The following NGEF variants were observed in gnomAD, a reference collection of about 807,000 sequenced individuals.
NGEF encodes the protein neuronal guanine nucleotide exchange factor, also known as ephexin-1.
Under a neutral mutation model 80.9 loss-of-function variants are expected in NGEF, and 31 were observed. That is an observed-to-expected ratio of 0.38 (90% CI 0.29 to 0.52). The LOEUF (loss-of-function observed/expected upper bound fraction) is 0.52. Ranked by LOEUF, NGEF falls within the 20% of genes least tolerant of loss-of-function variation. The probability of loss-of-function intolerance (pLI) is 0.84; values close to 1 mark genes in which losing one functional copy is unlikely to be tolerated. For missense variants in NGEF, 709 were observed against 926.2 expected, an observed-to-expected ratio of 0.77 and a Z score of 3.04; for synonymous variants, 371 against 370.2, an observed-to-expected ratio of 1.00 and a Z score of -0.03.
At chr2:233,004,741 C>T (rs988803169) in intron 1 of NGEF, among the ~76,000 whole-genome samples, 1 of 152,110 alleles carries the variant, frequency 6.6e-6, no homozygotes, top group African/African-American at 2.4e-5. Context: ...TCCCTCTCCC[C>T]TCACCCCCCA....
rs762439834 is a variant in NGEF at position 232,970,366 on chromosome 2, A to G, written c.269-38T>C. The stretch of plus-strand genomic sequence containing the variant: ...AGAAATGGAGCAAGTTAGAAGATAC[A>G]GATCAACCCTTTTCAGGCAATTCTC... On this transcript the variant is annotated intron_variant, in intron 2 of 14. Coordinates refer to ENST00000264051, the MANE Select transcript of NGEF (RefSeq NM_019850.3). 1.8e-5 allele frequency: 24 copies of G among 1,352,632 alleles called. 1 individual carries two copies. In the South Asian group the frequency reaches 2.8e-4, roughly 16 times the overall value. 83.8% of individuals were successfully genotyped at this position (1,352,632 alleles called of 1,614,324 possible).
intron 5 of NGEF, among the ~76,000 whole-genome samples, chr2:232,897,486 A>C (rs1280940376): frequency 6.6e-6 from 1 of 152,130 alleles, no homozygotes; most frequent in African/African-American, 2.4e-5. Flanking sequence ...CAGGTAGCGC[A>C]GGGGTTTGCT....
At chr2:232,908,175 A>G (rs577651117) in intron 5 of NGEF, among the ~76,000 whole-genome samples, 3 of 152,250 alleles carry the variant, frequency 2.0e-5, no homozygotes, top group African/African-American at 7.2e-5. Context: ...TTGTCTTACT[A>G]AACAATTTCC....
At chr2:232,959,208 G>A (rs1198338793) in intron 3 of NGEF, among the ~76,000 whole-genome samples, 1 of 151,992 alleles carries the variant, frequency 6.6e-6, no homozygotes, top group South Asian at 2.1e-4. Context: ...AGAAATTGGG[G>A]CATTTATCCT....
intron 6 of NGEF, 111 bp downstream of exon 6, chr2:232,894,645 A>T: frequency 9.5e-7 from 1 of 1,054,130 alleles, no homozygotes; most frequent in Non-Finnish European, 1.3e-6. Context: ...AACATTCCAA[A>T]CATCTGGAAG....
At chr2:232,991,830 A>T (rs1307551748) in intron 1 of NGEF, among the ~76,000 whole-genome samples, 5 of 152,230 alleles carry the variant, frequency 3.3e-5, no homozygotes, top group Non-Finnish European at 7.3e-5. Flanking sequence ...TTAAAAACCT[A>T]CTACAAAGCA....
chr2:232,995,550 CTATATACAGTATGTATACTGTATATA>C lies in NGEF; in HGVS notation c.-75+17492_-75+17517del, dbSNP rs1559240716. On this transcript the variant is annotated intron_variant, in intron 1 of 14. Transcript: ENST00000264051. Reference sequence around the variant, plus strand: ...TATGTATACATATACAGTATGTATACTATATACAGTATGTATACTGTATATATATATACAGTATGTATACTGTATAT... The same window carrying C: ...TATGTATACATATACAGTATGTATACTATATACAGTATGTATACTGTATAT... 1.8e-3 allele frequency among the ~76,000 whole-genome samples: 15 copies of C among 8,486 alleles called. 2 individuals are homozygous for C. Among genetic ancestry groups the C allele is most frequent in the South Asian group, 0.019 (1 of 52 alleles). The allele number at this position is 8,486 out of a possible 152,430, so 5.6% of individuals were successfully genotyped here. A position where few individuals can be genotyped will look rare whatever the true frequency, so the allele number is the denominator to read the frequency against.
chr2:232,931,998 T>C (rs529114260), intron 3 of NGEF, among the ~76,000 whole-genome samples: 1 of 152,264 alleles, frequency 6.6e-6, no homozygotes, highest in Non-Finnish European at 1.5e-5. Flanking sequence ...TCCAGTGACA[T>C]GCTCCTCATT....
chr2:232,978,663 G>A (rs576787221), intron 1 of NGEF, among the ~76,000 whole-genome samples: 1 of 151,748 alleles, frequency 6.6e-6, no homozygotes, highest in East Asian at 1.9e-4. Flanking sequence ...TTGTGCCTGC[G>A]GAGGTCAGTA....
At position 232,891,544 on chromosome 2, in the gene NGEF, ACTC is replaced by A. The variant is rs1446340858; in HGVS notation, c.1143-60_1143-58del. The stretch of plus-strand genomic sequence containing the variant: ...GAGCTGCAGGAGGCATGAACTGGAG[ACTC>A]CTCCTCCCCATCCACAGCCTCCCAG... On this transcript the variant is annotated intron_variant, in intron 7 of 14. Transcript: ENST00000264051. The A allele has an allele frequency of 1.9e-5, 30 of 1,540,832 alleles. No homozygotes were observed. In the South Asian group the frequency reaches 2.4e-4, roughly 12 times the overall value.
At chr2:232,979,274 G>C (rs1219045442) in intron 1 of NGEF, among the ~76,000 whole-genome samples, 1 of 151,892 alleles carries the variant, frequency 6.6e-6, no homozygotes, top group Non-Finnish European at 1.5e-5. Context: ...TTAAGAGTCA[G>C]GGGGATTGTC....
chr2:232,913,677 T>G (rs4973572), intron 5 of NGEF, among the ~76,000 whole-genome samples: 6,819 of 152,224 alleles, frequency 0.045, 301 homozygotes, highest in East Asian at 0.24. Context: ...TCCCAGCACT[T>G]TGGGAGGCCT....
At chr2:233,012,337 C>G (rs959210222) in intron 1 of NGEF, among the ~76,000 whole-genome samples, 1 of 152,132 alleles carries the variant, frequency 6.6e-6, no homozygotes, top group African/African-American at 2.4e-5. Context: ...ACTTTCACAT[C>G]CAAGAAAACT....
chr2:232,941,194 G>A (rs928677119), intron 3 of NGEF, among the ~76,000 whole-genome samples: 2 of 152,160 alleles, frequency 1.3e-5, no homozygotes, highest in African/African-American at 4.8e-5. Context: ...GATCAGATGA[G>A]CCAGTTTATT....
At chr2:232,930,494 A>G (rs1420129492) in intron 3 of NGEF, among the ~76,000 whole-genome samples, 1 of 151,588 alleles carries the variant, frequency 6.6e-6, no homozygotes, top group Admixed American at 6.6e-5. Flanking sequence ...TAATTTTTGT[A>G]TTTTTAGTAG....
chr2:232,891,449 A>G lies in NGEF; in HGVS notation c.1181T>C (p.Leu394Pro), dbSNP rs1168176681. The change falls in exon 8 of 15, where the codon CTA becomes CCA. Residue 394 changes from leucine (L) to proline (P), a missense_variant. This residue lies in a region of NGEF where 426 missense variants were observed against 622.9 expected (regional missense o/e 0.68). Transcript: ENST00000264051. Reference protein sequence around the residue: ...KAAFRELIAQLELDPKCRGLP... With the variant: ...KAAFRELIAQPELDPKCRGLP... Reference sequence around the variant, plus strand: ...CCCCCTGCACTTGGGGTCGAGCTCTAGCTGCGCGATCAGCTCCCGGAAAGC... The same window carrying G: ...CCCCCTGCACTTGGGGTCGAGCTCTGGCTGCGCGATCAGCTCCCGGAAAGC... The G allele has an allele frequency of 6.2e-7, 1 of 1,613,234 alleles. No individual in the cohort carries two copies. The highest frequency in any genetic ancestry group is 8.5e-7 in the Non-Finnish European group (1 of 1,179,964).
intron 5 of NGEF, among the ~76,000 whole-genome samples, chr2:232,905,079 T>C (rs1397831574): frequency 6.6e-6 from 1 of 151,950 alleles, no homozygotes. Context: ...CTCTCCCCTC[T>C]CCCCTCTCCC....
intron 3 of NGEF, among the ~76,000 whole-genome samples, chr2:232,953,920 A>T (rs190209669): frequency 3.3e-5 from 5 of 152,302 alleles, no homozygotes; most frequent in Admixed American, 6.5e-5. Context: ...GTGATTGATA[A>T]GTATTTGTTA....
At chr2:232,969,465 C>CCTTG (rs1559228967) in intron 3 of NGEF, among the ~76,000 whole-genome samples, 1 of 88,752 alleles carries the variant, frequency 1.1e-5, no homozygotes, top group East Asian at 3.5e-4. Flanking sequence ...TTCCTTCCTT[C>CCTTG]CTTCCTTCTT....
Sources: allele counts gnomAD v4.1 joint callset (sites outside exome capture counted in the v4.1 genomes callset), GRCh38; gene constraint gnomAD v4.1.1; regional missense constraint gnomAD v4.1.1; transcripts MANE v1.5; gene names NCBI Gene and HGNC (gene_info 2026-07-23, HGNC 2026-07-21).